Variants in ZKSCAN7 observed in about 807,000 individuals in gnomAD.
ZKSCAN7 encodes the protein zinc finger protein with KRAB and SCAN domains 7.
Under a neutral mutation model 65.3 loss-of-function variants are expected in ZKSCAN7, and 38 were observed. The observed-to-expected ratio is 0.58, with a 90% CI of 0.45 to 0.76. The LOEUF is 0.76. Ranked by LOEUF, ZKSCAN7 falls within the 30% of genes least tolerant of loss-of-function variation. The pLI is 0.00. For missense variants in ZKSCAN7, 815 were observed against 913.3 expected (o/e 0.89, Z 1.39); for synonymous variants, 321 against 321.0 (o/e 1.00, Z 0.00).
chr3:44,580,579 G>C, intron 5 of ZKSCAN7: 1 of 1,613,842 alleles, frequency 6.2e-7, no homozygotes, highest in South Asian at 1.1e-5. Flanking sequence ...TTGTTGGTCC[G>C]GGGATAGACC....
At chr3:44,558,935 C>T (rs887288547) in intron 2 of ZKSCAN7, among the ~76,000 whole-genome samples, 1 of 151,946 alleles carries the variant, frequency 6.6e-6, no homozygotes, top group African/African-American at 2.4e-5. Context: ...TGTGCCACCA[C>T]ACCAGGCTAA....
At position 44,568,163 on chromosome 3, in the gene ZKSCAN7, C is replaced by T. The variant is rs1047064178; in HGVS notation, c.685-144C>T. 16 of 1,531,412 alleles carry T rather than the reference C, an allele frequency of 1.0e-5. No individual in the cohort carries two copies. The Admixed American group carries it at 2.8e-4, about 27-fold the overall frequency. The allele number at this position is 1,531,412 out of a possible 1,614,324, so 94.9% of individuals were successfully genotyped here. On this transcript the variant is annotated intron_variant, in intron 4 of 5. Transcript: ENST00000426540. ...GTAATGGACTCTATCTTGCCCTGGACTTGTCCTTTTCGAGGTGTCATCTCA... is the reference window on the plus strand; with the variant it reads ...GTAATGGACTCTATCTTGCCCTGGATTTGTCCTTTTCGAGGTGTCATCTCA...
chr3:44,561,614 T>C (rs1699477588), intron 2 of ZKSCAN7, among the ~76,000 whole-genome samples: 1 of 152,144 alleles, frequency 6.6e-6, no homozygotes, highest in African/African-American at 2.4e-5. Context: ...AAAAACTAGT[T>C]AGTTACTTCC....
chr3:44,567,780 C>A (rs985767418), intron 3 of ZKSCAN7, 132 bp from the exon 4 acceptor site: 1 of 567,544 alleles, frequency 1.8e-6, no homozygotes, highest in East Asian at 3.0e-5. Flanking sequence ...GGGATAATGC[C>A]TTATGGAAGA....
At chr3:44,574,097 C>T (rs1404591786), downstream of ZKSCAN7, among the ~76,000 whole-genome samples, 1 of 151,944 alleles carries the variant, frequency 6.6e-6, no homozygotes, top group East Asian at 1.9e-4. Flanking sequence ...AAATTAATGG[C>T]TCCTTTAGCT....
intron 3 of ZKSCAN7, among the ~76,000 whole-genome samples, chr3:44,567,133 A>G (rs1400460275): frequency 8.2e-6 from 1 of 121,286 alleles, no homozygotes; most frequent in Non-Finnish European, 1.8e-5. Flanking sequence ...GAGAGAGAGA[A>G]AGAGAAAGAA....
intron 5 of ZKSCAN7, among the ~76,000 whole-genome samples, chr3:44,581,787 A>G (rs965296523): frequency 6.6e-6 from 1 of 152,222 alleles, no homozygotes; most frequent in African/African-American, 2.4e-5. Context: ...AATATTCTAC[A>G]GCCAAACCCT....
intron 5 of ZKSCAN7, among the ~76,000 whole-genome samples, chr3:44,568,851 CTGCTCGCAG>C (rs1699712407): frequency 6.6e-6 from 1 of 152,212 alleles, no homozygotes; most frequent in African/African-American, 2.4e-5. Flanking sequence ...TGTAATGCAG[CTGCTCGCAG>C]TGTATCTGTT....
intron 5 of ZKSCAN7, chr3:44,580,112 C>T: frequency 6.2e-7 from 1 of 1,609,916 alleles, no homozygotes; most frequent in South Asian, 1.1e-5. Context: ...TGTCCAAGGC[C>T]TCAAACTTTT....
downstream of ZKSCAN7, among the ~76,000 whole-genome samples, chr3:44,574,851 A>G (rs1228913068): frequency 6.6e-6 from 1 of 152,074 alleles, no homozygotes; most frequent in Non-Finnish European, 1.5e-5. Context: ...AATTGCTTGA[A>G]CCTGGGAGGT....
rs1032641897 is a variant in ZKSCAN7, at chr3:44,571,328, A to G, written c.2218A>G (p.Thr740Ala). The G allele has an allele frequency of 6.2e-7, 1 of 1,614,084 alleles. No individual in the cohort carries two copies. The highest frequency in any genetic ancestry group is 1.3e-5 in the African/African-American group (1 of 74,942). ...TTCCACTTTTAATCACCACCAGCGAACTCACACTGGAGAGAAGTCCTCAGG... is the reference window on the plus strand; with the variant it reads ...TTCCACTTTTAATCACCACCAGCGAGCTCACACTGGAGAGAAGTCCTCAGG... ...QRSTFNHHQR[T>A]HTGEKSSGLA... The change falls in exon 6 of 6, where the codon ACT (threonine) becomes GCT (alanine). Residue 740 changes from threonine (T) to alanine (A), a missense_variant. Around this residue, in one of 3 missense-constraint regions of ZKSCAN7, gnomAD observed 578 missense variants for 629.5 expected, o/e 0.92. Coordinates refer to ENST00000426540, the MANE Select transcript of ZKSCAN7 (RefSeq NM_001288590.2).
In ZKSCAN7 at chr3:44,570,363, A is replaced by G. The variant is rs1699763922; in HGVS notation, c.1253A>G (p.Lys418Arg). 1 of 1,614,080 alleles carries G rather than the reference A, an allele frequency of 6.2e-7. No individual in the cohort carries two copies. Among genetic ancestry groups the G allele is most frequent in the Non-Finnish European group, 8.5e-7 (1 of 1,180,012 alleles). Residue 418 changes from lysine (K) to arginine (R), a missense_variant, in exon 6 of 6, where the codon AAG (lysine) becomes AGG (arginine). This residue lies in a region of ZKSCAN7 where 578 missense variants were observed against 629.5 expected (regional missense o/e 0.92). Coordinates refer to ENST00000426540, the MANE Select transcript of ZKSCAN7 (RefSeq NM_001288590.2). ...EKPYECNECG[K>R]TFRQTSQLIV... is the part of the protein sequence containing the mutation. ...CCCTATGAGTGTAATGAGTGTGGGA[A>G]GACCTTCAGGCAAACCTCCCAGCTC...
Position 44,571,840 on chromosome 3 carries a change from G to A in ZKSCAN7, c.*465G>A. The A allele has an allele frequency of 1.0e-6, 1 of 989,484 alleles. No individual in the cohort carries two copies. Among genetic ancestry groups the A allele is most frequent in the Non-Finnish European group, 1.2e-6 (1 of 832,502 alleles). The allele number at this position is 989,484 out of a possible 1,614,324, so 61.3% of individuals were successfully genotyped here. A position where few individuals can be genotyped will look rare whatever the true frequency, so the allele number is the denominator to read the frequency against. On this transcript the variant is annotated 3_prime_UTR_variant, in exon 6 of 6. Coordinates refer to ENST00000426540, the MANE Select transcript of ZKSCAN7 (RefSeq NM_001288590.2). ...TAATCTATAACTTTTCATCAGTTTT[G>A]TTCCCTATCTAGAAAACATTTTCTT...
chr3:44,579,973 CT>C, intron 5 of ZKSCAN7: 1 of 1,466,152 alleles, frequency 6.8e-7, no homozygotes, highest in Non-Finnish European at 9.3e-7. Context: ...GGGAGAGGAG[CT>C]TGGGGGGGGG....
chr3:44,557,609 A>G (rs1010474464), intron 2 of ZKSCAN7, 139 bp downstream of exon 2: 1 of 1,242,872 alleles, frequency 8.0e-7, no homozygotes, highest in African/African-American at 1.5e-5. Context: ...ATAGAGGGAA[A>G]ATAGTTTTGT....
intron 2 of ZKSCAN7, among the ~76,000 whole-genome samples, chr3:44,561,799 C>T (rs1699482372): frequency 6.6e-6 from 1 of 152,232 alleles, no homozygotes; most frequent in South Asian, 2.1e-4. Context: ...CCAGGGCATG[C>T]TGATGCAAGA....
At chr3:44,581,236 C>A (rs926271740) in intron 5 of ZKSCAN7, among the ~76,000 whole-genome samples, 1 of 147,688 alleles carries the variant, frequency 6.8e-6, no homozygotes, top group Non-Finnish European at 1.5e-5. Context: ...CCGCCCGCAC[C>A]GCCGCCGCCC....
At chr3:44,559,821 G>A (rs1318443639) in intron 2 of ZKSCAN7, among the ~76,000 whole-genome samples, 1 of 152,202 alleles carries the variant, frequency 6.6e-6, no homozygotes, top group African/African-American at 2.4e-5. Context: ...AGGATTATTA[G>A]CAGTACACAT....
downstream of ZKSCAN7, among the ~76,000 whole-genome samples, chr3:44,574,520 AG>A (rs1408319481): frequency 4.6e-5 from 7 of 152,348 alleles, no homozygotes; most frequent in African/African-American, 1.7e-4. Flanking sequence ...GGATGTTTTT[AG>A]TATTTCACAT....
Sources: allele counts gnomAD v4.1 joint callset (sites outside exome capture counted in the v4.1 genomes callset), GRCh38; gene constraint gnomAD v4.1.1; regional missense constraint gnomAD v4.1.1; transcripts MANE v1.5; gene names NCBI Gene and HGNC (gene_info 2026-07-23, HGNC 2026-07-21).